PCDHA4: variants seen among roughly 807,000 people sequenced by gnomAD.
PCDHA4 encodes the protein protocadherin alpha-4.
A neutral mutation model predicts 61.4 loss-of-function variants in PCDHA4; 49 were observed. The observed-to-expected ratio is 0.80, with a 90% CI of 0.63 to 1.01. The LOEUF is 1.01. Ranked by LOEUF, PCDHA4 falls within the 50% of genes least tolerant of loss-of-function variation. The pLI is 0.00. For missense variants in PCDHA4, 1,254 were observed against 1,235.8 expected, an observed-to-expected ratio of 1.01 and a Z score of -0.22; for synonymous variants, 590 against 550.3, an observed-to-expected ratio of 1.07 and a Z score of -1.01.
chr5:140,809,446 G>A lies in PCDHA4; in HGVS notation c.2259G>A (p.Gln753=), dbSNP rs782146620. 2 of 1,614,258 alleles carry A rather than the reference G, an allele frequency of 1.2e-6. No individual in the cohort carries two copies. The highest frequency in any genetic ancestry group is 3.3e-5 in the Admixed American group (2 of 60,038). The part of the protein sequence containing the change: ...SAVGSWSYSQ[Q]RRPRVCSGEG... Reference sequence around the variant, plus strand: ...TGGGGAGCTGGTCATACTCGCAGCAGAGGAGGCCGAGGGTGTGCTCTGGTG... The same window carrying A: ...TGGGGAGCTGGTCATACTCGCAGCAAAGGAGGCCGAGGGTGTGCTCTGGTG... Residue 753 remains glutamine (Q), a synonymous_variant, in exon 1 of 4, where the codon CAG becomes CAA. Coordinates refer to ENST00000530339, the MANE Select transcript of PCDHA4 (RefSeq NM_018907.4).
At chr5:140,836,527 T>C (rs2150262895) in intron 1 of PCDHA4, 29 of 1,613,850 alleles carry the variant, frequency 1.8e-5, no homozygotes, top group Non-Finnish European at 2.5e-5. Context: ...GTGCTTACCC[T>C]GCTGCTGTAC....
At chr5:140,837,677 T>C (rs2150278472) in intron 1 of PCDHA4, among the ~76,000 whole-genome samples, 1 of 151,824 alleles carries the variant, frequency 6.6e-6, no homozygotes, top group South Asian at 2.1e-4. Flanking sequence ...CTTTTTCTTT[T>C]TTCTTTCTTC....
chr5:140,821,833 C>T lies in PCDHA4; in HGVS notation c.2385+12261C>T, dbSNP rs2150110979. On this transcript the variant is annotated intron_variant, in intron 1 of 3. Coordinates refer to ENST00000530339, the MANE Select transcript of PCDHA4 (RefSeq NM_018907.4). ...CCGGCTCCTGCTGCTCTGGCTTCTC[C>T]TTGCCTACTGGAAGGCAGGGAGCGG... 13,895 of 1,614,122 alleles carry T rather than the reference C, an allele frequency of 8.6e-3. 1,022 individuals are homozygous for T. In the African/African-American group the frequency reaches 0.16, roughly 19 times the overall value.
intron 1 of PCDHA4, chr5:140,852,259 C>A: frequency 2.0e-6 from 1 of 509,052 alleles, no homozygotes; most frequent in Non-Finnish European, 2.6e-6. Flanking sequence ...TTGGAATATG[C>A]TACAATATTA....
intron 1 of PCDHA4, chr5:140,834,143 T>C: frequency 1.9e-6 from 1 of 514,248 alleles, no homozygotes. Flanking sequence ...GATTAATAGT[T>C]TGTAATGGTT....
Position 141,011,938 on chromosome 5 carries a change from T to TA in PCDHA4, c.*2008dup, listed in dbSNP as rs1489019865. 2.6e-5 allele frequency: 4 copies of TA among 153,644 alleles called. No individual in the cohort carries two copies. The highest frequency in any genetic ancestry group is 6.5e-5 in the Admixed American group (1 of 15,278). The allele number at this position is 153,644 out of a possible 1,614,324, so 9.5% of individuals were successfully genotyped here. A position where few individuals can be genotyped will look rare whatever the true frequency, so the allele number is the denominator to read the frequency against. ...ATAAAAGAGGTAGGAGTCTGTTATT[T>TA]AAAAAAAGCATTAAATTTAAAAAAA... On this transcript the variant is annotated 3_prime_UTR_variant, in exon 4 of 4. Transcript: ENST00000530339.
At chr5:140,877,065 G>A (rs782807909) in intron 1 of PCDHA4, 7 of 1,613,044 alleles carry the variant, frequency 4.3e-6, no homozygotes, top group Non-Finnish European at 5.9e-6. Flanking sequence ...TGGAGCTGCT[G>A]CAGTTCCAGG....
intron 1 of PCDHA4, among the ~76,000 whole-genome samples, chr5:140,921,440 G>A (rs1026829665): frequency 6.6e-6 from 1 of 152,056 alleles, no homozygotes; most frequent in Non-Finnish European, 1.5e-5. Flanking sequence ...CTTCAATGGT[G>A]TCTGAAAAGG....
chr5:140,860,192 C>CATATATATATATATATATATATATATAT (rs143984774), intron 1 of PCDHA4: 29 of 146,842 alleles, frequency 2.0e-4, no homozygotes, highest in South Asian at 1.3e-3. Context: ...GCTCTCCTTA[C>CATATATATATATATATATATATATATAT]ATATATATCT....
intron 1 of PCDHA4, chr5:140,829,891 C>A (rs1554132360): frequency 6.2e-7 from 1 of 1,613,952 alleles, no homozygotes; most frequent in Non-Finnish European, 8.5e-7. Context: ...TTGACGCCGA[C>A]TCAGGCTACA....
At chr5:140,879,676 C>G (rs539657930) in intron 1 of PCDHA4, among the ~76,000 whole-genome samples, 1 of 152,308 alleles carries the variant, frequency 6.6e-6, no homozygotes, top group South Asian at 2.1e-4. Flanking sequence ...AAACTGGGTG[C>G]TGTAAAACAG....
chr5:140,977,841 A>G lies in PCDHA4; in HGVS notation c.2386-1108A>G, dbSNP rs76111417. On this transcript the variant is annotated intron_variant, in intron 1 of 3. Transcript: ENST00000530339. The stretch of plus-strand genomic sequence containing the variant: ...TTTTGAATGGTCTATTGATATTACT[A>G]TGGCTTTGTTTCTACCAAATATGGT... Among the ~76,000 whole-genome samples the G allele has an allele frequency of 8.3e-3, 1,257 of 152,348 alleles. 23 individuals carry two copies. Among genetic ancestry groups the G allele is most frequent in the African/African-American group, 0.028 (1,184 of 41,574 alleles).
chr5:140,926,373 G>A (rs1040164585), intron 1 of PCDHA4: 3 of 152,370 alleles, frequency 2.0e-5, no homozygotes, highest in African/African-American at 4.8e-5. Context: ...GGCAGGAAGA[G>A]CCCAGCTGGG....
rs116202025 is a variant in PCDHA4, at chr5:140,975,505, A to G, written c.2386-3444A>G. ...ATATCAATGTTCATAAAATAGCACTATGCAAAATCTGCAGTGGATATATTC... is the reference window on the plus strand; with the variant it reads ...ATATCAATGTTCATAAAATAGCACTGTGCAAAATCTGCAGTGGATATATTC... On this transcript the variant is annotated intron_variant, in intron 1 of 3. Transcript: ENST00000530339. Among the ~76,000 whole-genome samples, 512 of 152,350 alleles carry G rather than the reference A, an allele frequency of 3.4e-3. 3 individuals are homozygous for G. Among genetic ancestry groups the G allele is most frequent in the Middle Eastern group, 6.8e-3 (2 of 294 alleles).
At chr5:140,893,762 T>A (rs1337056301) in intron 1 of PCDHA4, among the ~76,000 whole-genome samples, 1 of 152,196 alleles carries the variant, frequency 6.6e-6, no homozygotes, top group Non-Finnish European at 1.5e-5. Context: ...TATAGGTGAC[T>A]TGTCACTTTT....
At chr5:140,989,837 T>C (rs1389244965) in intron 3 of PCDHA4, among the ~76,000 whole-genome samples, 1 of 152,120 alleles carries the variant, frequency 6.6e-6, no homozygotes, top group African/African-American at 2.4e-5. Context: ...AGCCTGTCAA[T>C]GAGTGTGTGG....
At chr5:140,848,269 G>T in intron 1 of PCDHA4, 1 of 502,308 alleles carries the variant, frequency 2.0e-6, no homozygotes, top group Non-Finnish European at 3.5e-6. Context: ...TTTTATTCAT[G>T]AAATATGTAC....
intron 1 of PCDHA4, chr5:140,884,136 G>A (rs371124724): frequency 1.2e-6 from 2 of 1,613,282 alleles, no homozygotes; most frequent in Non-Finnish European, 1.7e-6. Flanking sequence ...ATCCCGTTCC[G>A]CGTGGGGCTG....
At chr5:140,836,045 C>T (rs2150251351) in intron 1 of PCDHA4, 3 of 1,613,202 alleles carry the variant, frequency 1.9e-6, no homozygotes, top group East Asian at 2.2e-5. Context: ...TGCAGGTGTT[C>T]GTGCTGGACG....
Sources: allele counts gnomAD v4.1 joint callset (sites outside exome capture counted in the v4.1 genomes callset), GRCh38; gene constraint gnomAD v4.1.1; transcripts MANE v1.5; gene names NCBI Gene and HGNC (gene_info 2026-07-23, HGNC 2026-07-21).